Variants in CDH18 observed in about 807,000 individuals in gnomAD.
CDH18 encodes the protein cadherin 18, also known as cadherin-18.
Under a neutral mutation model 67.9 loss-of-function variants are expected in CDH18, and 31 were observed. The observed-to-expected ratio is 0.46, with a 90% CI of 0.34 to 0.62. The LOEUF is 0.62. Ranked by LOEUF, CDH18 falls within the 20% of genes least tolerant of loss-of-function variation. The probability of loss-of-function intolerance (pLI) is 0.01; values close to 1 mark genes in which losing one functional copy is unlikely to be tolerated. For missense variants in CDH18, 890 were observed against 975.5 expected (o/e 0.91, Z 1.17); for synonymous variants, 362 against 347.2 (o/e 1.04, Z -0.48).
At chr5:19,533,852 A>C (rs1749025264) in intron 9 of CDH18, among the ~76,000 whole-genome samples, 1 of 152,164 alleles carries the variant, frequency 6.6e-6, no homozygotes, top group Non-Finnish European at 1.5e-5. Flanking sequence ...GTTTTTGGAG[A>C]AGCAATGTTA....
intron 7 of CDH18, among the ~76,000 whole-genome samples, chr5:19,589,396 C>G (rs1744726023): frequency 6.6e-6 from 1 of 152,046 alleles, no homozygotes; most frequent in African/African-American, 2.4e-5. Context: ...AATCAGTTGT[C>G]AGATTAATCT....
rs71610660 is a variant in CDH18, at chr5:20,407,206, C to T, written c.-579-151701G>A. On this transcript the variant is annotated intron_variant, in intron 1 of 14. Coordinates refer to the CDH18 transcript ENST00000507958. The stretch of plus-strand genomic sequence containing the variant: ...GTGAAAAATCAAGCTTTCATTTTTT[C>T]CCAGGGGAGGGAAAGATTTGGACCA... 6.5e-3 allele frequency among the ~76,000 whole-genome samples: 990 copies of T among 152,162 alleles called. 5 individuals are homozygous for T. Among genetic ancestry groups the T allele is most frequent in the Non-Finnish European group, 9.5e-3 (646 of 67,990 alleles).
chr5:20,095,589 G>GAAGAAAGAAAGAAAGAAAGAAAGA lies in CDH18; in HGVS notation c.-517-103576_-517-103575insTCTTTCTTTCTTTCTTTCTTTCTT, dbSNP rs775835944. ...GAAAGAAAGGAAGAAAGGAAGAAAG[G>GAAGAAAGAAAGAAAGAAAGAAAGA]AAGAAAGAAGAAAGAAAGAAAAGAA... On this transcript the variant is annotated intron_variant, in intron 2 of 14. Transcript: ENST00000507958. Among the ~76,000 whole-genome samples, 1,854 of 141,828 alleles carry GAAGAAAGAAAGAAAGAAAGAAAGA rather than the reference G, an allele frequency of 0.013. 161 individuals are homozygous for GAAGAAAGAAAGAAAGAAAGAAAGA. In the East Asian group the frequency reaches 0.21, roughly 16 times the overall value. 93.0% of individuals were successfully genotyped at this position (141,828 alleles called of 152,430 possible).
At chr5:19,729,971 T>C (rs986625747) in intron 4 of CDH18, among the ~76,000 whole-genome samples, 3 of 152,158 alleles carry the variant, frequency 2.0e-5, no homozygotes, top group Admixed American at 6.6e-5. Context: ...TCAATCTCTC[T>C]GTCTCTGCCT....
chr5:19,930,257 A>G (rs1793533415), intron 2 of CDH18, among the ~76,000 whole-genome samples: 1 of 152,070 alleles, frequency 6.6e-6, no homozygotes, highest in Non-Finnish European at 1.5e-5. Flanking sequence ...ATCTACTGCC[A>G]AAGTATGCAT....
intron 2 of CDH18, among the ~76,000 whole-genome samples, chr5:19,966,430 T>C (rs1212549724): frequency 2.0e-5 from 3 of 152,212 alleles, no homozygotes; most frequent in East Asian, 3.9e-4. Flanking sequence ...TCACATTCAA[T>C]GTTATATCAG....
In CDH18 at chr5:20,519,942, CTTTTTTTTTTTTTTTTTTTTTTTTTTTTT is replaced by C. The variant is rs777265512; in HGVS notation, c.-580+55491_-580+55519del. On this transcript the variant is annotated intron_variant, in intron 1 of 14. Coordinates refer to the CDH18 transcript ENST00000507958. ...AGGCTGGAGTACAACACAGTCTTGG[CTTTTTTTTTTTTTTTTTTTTTTTTTTTTT>C]TTTTTTTTTTGTATTTTTGGTAGAG... 1.7e-4 allele frequency among the ~76,000 whole-genome samples: 7 copies of C among 41,674 alleles called. No homozygotes were observed. The South Asian group carries it at 5.3e-3, about 31-fold the overall frequency. 27.3% of individuals were successfully genotyped at this position (41,674 alleles called of 152,430 possible). A position where few individuals can be genotyped will look rare whatever the true frequency, so the allele number is the denominator to read the frequency against.
chr5:19,977,892 C>T (rs1561668847), intron 2 of CDH18, among the ~76,000 whole-genome samples: 1 of 152,090 alleles, frequency 6.6e-6, no homozygotes, highest in Admixed American at 6.6e-5. Flanking sequence ...TCTATATTCT[C>T]ATTCTAAGCC....
At chr5:19,690,594 G>T (rs1197808988) in intron 5 of CDH18, among the ~76,000 whole-genome samples, 1 of 151,250 alleles carries the variant, frequency 6.6e-6, no homozygotes, top group Non-Finnish European at 1.5e-5. Context: ...AAACATAAAA[G>T]GATACATTAC....
At chr5:19,747,922 C>G (rs1770251790) in intron 3 of CDH18, among the ~76,000 whole-genome samples, 1 of 150,848 alleles carries the variant, frequency 6.6e-6, no homozygotes, top group Non-Finnish European at 1.5e-5. Flanking sequence ...TCCTGGCTAA[C>G]ACGGTGAAAC....
intron 1 of CDH18, among the ~76,000 whole-genome samples, chr5:20,381,486 G>A (rs1743903628): frequency 6.6e-6 from 1 of 152,108 alleles, no homozygotes; most frequent in Non-Finnish European, 1.5e-5. Context: ...GTCTCAAGGG[G>A]TCCCACTTTT....
intron 2 of CDH18, among the ~76,000 whole-genome samples, chr5:19,957,592 T>G (rs1796377079): frequency 6.6e-6 from 1 of 151,954 alleles, no homozygotes; most frequent in East Asian, 1.9e-4. Context: ...TGTTTATCAC[T>G]TGGAAATAAA....
In CDH18 at chr5:19,970,267, T is replaced by C. The variant is rs541583289; in HGVS notation, c.-257+10793A>G. On this transcript the variant is annotated intron_variant, in intron 2 of 12. Transcript: ENST00000382275. ...ATATTATATATAAATATCACAAGAA[T>C]ATAAACATGAATAATAAGTATTTTC... 1.7e-4 allele frequency among the ~76,000 whole-genome samples: 26 copies of C among 151,468 alleles called. No homozygotes were observed. The South Asian group carries it at 5.4e-3, about 31-fold the overall frequency.
At chr5:20,054,659 A>C (rs1741745766) in intron 2 of CDH18, among the ~76,000 whole-genome samples, 1 of 152,188 alleles carries the variant, frequency 6.6e-6, no homozygotes, top group Admixed American at 6.6e-5. Flanking sequence ...ACTTGCTCAA[A>C]GTTAGGTCCT....
At chr5:19,835,815 T>G (rs539102848) in intron 3 of CDH18, among the ~76,000 whole-genome samples, 1 of 152,090 alleles carries the variant, frequency 6.6e-6, no homozygotes, top group Non-Finnish European at 1.5e-5. Flanking sequence ...CACTTTCATG[T>G]TTGACCTTTT....
chr5:20,488,700 T>TATATAC (rs369185147), intron 1 of CDH18, among the ~76,000 whole-genome samples: 1,434 of 137,192 alleles, frequency 0.01, 7 homozygotes, highest in East Asian at 0.013. Flanking sequence ...TATATATATA[T>TATATAC]ACACACACAT....
rs541850944 is a variant in CDH18, at chr5:20,216,298, C to A, written c.-518+39146G>T. ...ATGGCACCAAAAGACTTGCCCAATG[C>A]AAGTCTTGATGGAAAGTTTCAATTT... On this transcript the variant is annotated intron_variant, in intron 2 of 14. Transcript: ENST00000507958. Among the ~76,000 whole-genome samples the A allele has an allele frequency of 1.2e-4, 18 of 152,026 alleles. No homozygotes were observed. The East Asian group carries it at 1.4e-3, about 11-fold the overall frequency.
chr5:20,002,568 C>A (rs1736535011), intron 2 of CDH18, among the ~76,000 whole-genome samples: 1 of 152,128 alleles, frequency 6.6e-6, no homozygotes, highest in African/African-American at 2.4e-5. Flanking sequence ...ATAGACACAA[C>A]CTCTCAGTTA....
At chr5:19,579,163 A>G (rs926223709) in intron 7 of CDH18, among the ~76,000 whole-genome samples, 1 of 151,982 alleles carries the variant, frequency 6.6e-6, no homozygotes, top group African/African-American at 2.4e-5. Flanking sequence ...TTTGTGAGCT[A>G]TAACCCTCTA....
Sources: allele counts gnomAD v4.1 joint callset (sites outside exome capture counted in the v4.1 genomes callset), GRCh38; gene constraint gnomAD v4.1.1; transcripts MANE v1.5; gene names NCBI Gene and HGNC (gene_info 2026-07-23, HGNC 2026-07-21).